Variants in BACH2 observed in about 807,000 individuals in gnomAD.
BACH2 encodes the protein transcription regulator protein BACH2.
Under a neutral mutation model 61.8 loss-of-function variants are expected in BACH2, and 5 were observed. The ratio of observed to expected loss-of-function variants is 0.08; its 90% CI spans 0.04 to 0.17. BACH2 has a LOEUF of 0.17. BACH2 is among the 10% of genes least tolerant of loss of function. The probability of loss-of-function intolerance (pLI) is 1.00; values close to 1 mark genes in which losing one functional copy is unlikely to be tolerated. For synonymous variants in BACH2, 446 were observed against 440.1 expected, an observed-to-expected ratio of 1.01 and a Z score of -0.17; for missense variants, 824 against 1,091.1, an observed-to-expected ratio of 0.76 and a Z score of 3.45.
intron 7 of BACH2, among the ~76,000 whole-genome samples, chr6:89,944,429 T>C (rs1584510445): frequency 6.6e-6 from 1 of 152,262 alleles, no homozygotes; most frequent in Admixed American, 6.5e-5. Flanking sequence ...CTAGACAACA[T>C]AAAAACACTG....
chr6:90,188,219 T>G (rs1768428466), intron 4 of BACH2, among the ~76,000 whole-genome samples: 1 of 152,260 alleles, frequency 6.6e-6, no homozygotes, highest in South Asian at 2.1e-4. Flanking sequence ...ATGTAAAGTT[T>G]AATTATCTAC....
intron 6 of BACH2, among the ~76,000 whole-genome samples, chr6:89,960,075 A>G (rs1774657200): frequency 6.6e-6 from 1 of 152,080 alleles, no homozygotes; most frequent in South Asian, 2.1e-4. Context: ...CCCCTCCACC[A>G]TGCTCACAGG....
intron 4 of BACH2, among the ~76,000 whole-genome samples, chr6:90,124,938 C>G (rs1357016874): frequency 1.3e-5 from 2 of 152,136 alleles, no homozygotes. Context: ...TAATTTTAAC[C>G]TTTGTCTATC....
intron 4 of BACH2, among the ~76,000 whole-genome samples, chr6:90,164,718 A>C (rs1416431542): frequency 6.6e-6 from 1 of 152,214 alleles, no homozygotes; most frequent in Non-Finnish European, 1.5e-5. Flanking sequence ...ATCCACCATG[A>C]TCAAGTGGGC....
intron 6 of BACH2, among the ~76,000 whole-genome samples, chr6:89,964,598 C>A (rs1774945423): frequency 6.6e-6 from 1 of 152,154 alleles, no homozygotes; most frequent in South Asian, 2.1e-4. Flanking sequence ...CAGATTACGA[C>A]CCGAATAGCA....
rs200795787 is a variant in BACH2 at position 89,951,437 on chromosome 6, G to A, written c.669C>T (p.Asp223=). ...TGTATCTGGGGTACTGCGTTAACGC[G>A]TCCTTTTCTGAGCTCTCCTTGGTGT... The part of the protein sequence containing the change: ...PTDTKESSEK[D]ALTQYPRYKK... Residue 223 remains aspartate (D), a synonymous_variant, in exon 7 of 9, where the codon GAC becomes GAT. Coordinates refer to ENST00000257749, the MANE Select transcript of BACH2 (RefSeq NM_021813.4). This position sits in a 1 kb window ranked among gnomAD's most constrained non-coding sequence, Gnocchi z 6.4. 16 of 1,614,222 alleles carry A rather than the reference G, an allele frequency of 9.9e-6. No homozygotes were observed. The highest frequency in any genetic ancestry group is 2.2e-5 in the East Asian group (1 of 44,884).
chr6:90,029,585 A>C (rs940784931), intron 5 of BACH2, among the ~76,000 whole-genome samples: 10 of 152,250 alleles, frequency 6.6e-5, no homozygotes, highest in Middle Eastern at 3.4e-3. Flanking sequence ...TTTTCTATTG[A>C]GGGCAGGAAT....
chr6:89,950,790 T>C lies in BACH2; in HGVS notation c.1316A>G (p.Asp439Gly), dbSNP rs1253611848. ...AGAATGCACCGAGGTGCTCACTTGG[T>C]CACAAGCGCTGGAGGAGAAGATCAC... ...RSVIFSSSAC[D>G]QVSTSVHSYS... Residue 439 changes from aspartate to glycine, a missense_variant, in exon 7 of 9, where the codon GAC becomes GGC. Physicochemically the swap from Asp to Gly is moderately conservative, Grantham distance 94. This residue lies in a region of BACH2 where 9 missense variants were observed against 27.6 expected (regional missense o/e 0.33). Coordinates refer to ENST00000257749, the MANE Select transcript of BACH2 (RefSeq NM_021813.4). This position sits in a 1 kb window ranked among gnomAD's most constrained non-coding sequence, Gnocchi z 5.3. 1 of 1,614,096 alleles carries C rather than the reference T, an allele frequency of 6.2e-7. No homozygotes were observed. The highest frequency in any genetic ancestry group is 1.1e-5 in the South Asian group (1 of 91,076).
At chr6:90,082,499 G>T (rs111718496) in intron 5 of BACH2, among the ~76,000 whole-genome samples, 2,022 of 152,148 alleles carry the variant, frequency 0.013, 35 homozygotes, top group African/African-American at 0.047. Context: ...ACACTTAAAG[G>T]CATCATTCCT....
At chr6:90,066,174 G>GAGTACAT (rs1780953860) in intron 5 of BACH2, among the ~76,000 whole-genome samples, 1 of 152,134 alleles carries the variant, frequency 6.6e-6, no homozygotes, top group Non-Finnish European at 1.5e-5. Context: ...TGTACTTACT[G>GAGTACAT]AAGAAACCAA....
chr6:90,081,695 TTTTC>T (rs149090084), intron 5 of BACH2, among the ~76,000 whole-genome samples: 2,011 of 152,268 alleles, frequency 0.013, 32 homozygotes, highest in African/African-American at 0.046. Flanking sequence ...AAGACAGACT[TTTTC>T]TTTTTTTTTT....
chr6:90,218,506 C>CTTT (rs34080254), intron 3 of BACH2, among the ~76,000 whole-genome samples: 4 of 142,888 alleles, frequency 2.8e-5, no homozygotes, highest in African/African-American at 5.1e-5. Context: ...TCTTTTCTTT[C>CTTT]TTTTTTTTTT....
At chr6:90,224,406 T>C (rs974929150) in intron 3 of BACH2, among the ~76,000 whole-genome samples, 3 of 152,188 alleles carry the variant, frequency 2.0e-5, no homozygotes, top group African/African-American at 7.2e-5. Flanking sequence ...GTGCTGAATA[T>C]GTGTGACAAG....
chr6:90,110,437 T>C (rs1217233159), intron 4 of BACH2, among the ~76,000 whole-genome samples: 3 of 152,366 alleles, frequency 2.0e-5, no homozygotes, highest in Middle Eastern at 3.4e-3. Context: ...ACTTGTTCAC[T>C]AAGTTCGGAG....
At chr6:89,932,953 G>A (rs537451597) in intron 8 of BACH2, 63 bp from the exon 9 acceptor site, 95 of 1,492,196 alleles carry the variant, frequency 6.4e-5, no homozygotes, top group Non-Finnish European at 7.6e-5. Flanking sequence ...AGAAGGCCTC[G>A]TTTCAGGTTT....
At chr6:90,092,212 T>C (rs73503293) in intron 4 of BACH2, among the ~76,000 whole-genome samples, 7,661 of 149,960 alleles carry the variant, frequency 0.051, 611 homozygotes, top group African/African-American at 0.17. Context: ...TTTAAAAATA[T>C]ACTTCGAAGC....
chr6:90,129,351 C>T (rs1408992207), intron 4 of BACH2, among the ~76,000 whole-genome samples: 8 of 152,004 alleles, frequency 5.3e-5, no homozygotes, highest in Non-Finnish European at 1.0e-4. Context: ...TCTAAAAAAA[C>T]GGGGTACATG....
chr6:90,202,003 A>T (rs564971480), intron 4 of BACH2, among the ~76,000 whole-genome samples: 1 of 152,356 alleles, frequency 6.6e-6, no homozygotes, highest in African/African-American at 2.4e-5. Context: ...TTTAAAATGA[A>T]AAAAGTGTTC....
intron 1 of BACH2, among the ~76,000 whole-genome samples, chr6:90,290,367 A>T (rs2127892603): frequency 6.6e-6 from 1 of 152,350 alleles, no homozygotes; most frequent in East Asian, 1.9e-4. Context: ...GACGTGCTTC[A>T]TGAGACCAGG....
Sources: allele counts gnomAD v4.1 joint callset (sites outside exome capture counted in the v4.1 genomes callset), GRCh38; gene constraint gnomAD v4.1.1; regional missense constraint gnomAD v4.1.1; non-coding constraint Gnocchi (gnomAD v3.1); transcripts MANE v1.5; gene names NCBI Gene and HGNC (gene_info 2026-07-23, HGNC 2026-07-21).